The following EPRS1 variants were observed in gnomAD, a reference collection of about 807,000 sequenced individuals.
EPRS1 encodes the protein bifunctional glutamate/proline--tRNA ligase.
EPRS1 carries 107 observed loss-of-function variants against 188.3 expected under a neutral mutation model. The ratio of observed to expected loss-of-function variants is 0.57; its 90% CI spans 0.49 to 0.67. EPRS1 has a LOEUF of 0.67. Ranked by LOEUF, EPRS1 falls within the 30% of genes least tolerant of loss-of-function variation. The probability of loss-of-function intolerance (pLI) is 0.00; values close to 1 mark genes in which losing one functional copy is unlikely to be tolerated. For missense variants in EPRS1, 1,577 were observed against 1,802.2 expected (o/e 0.88, Z 2.26); for synonymous variants, 596 against 593.1 (o/e 1.00, Z -0.07).
At chr1:219,977,022 ACAAT>A (rs1359598089) in intron 28 of EPRS1, among the ~76,000 whole-genome samples, 2 of 152,184 alleles carry the variant, frequency 1.3e-5, no homozygotes, top group African/African-American at 4.8e-5. Context: ...TTCTGGCCTC[ACAAT>A]CAAACAATAT....
chr1:220,011,166 A>G, intron 12 of EPRS1, 110 bp from the exon 13 acceptor site: 1 of 614,660 alleles, frequency 1.6e-6, no homozygotes, highest in Non-Finnish European at 2.9e-6. Context: ...TACTGCATTT[A>G]CTAATTTTTT....
In EPRS1 at chr1:220,005,329, A is replaced by T; in HGVS notation, c.1982T>A (p.Leu661His). The change falls in exon 16 of 32, where the codon CTT (leucine) becomes CAT (histidine). Residue 661 changes from leucine to histidine, a missense_variant. By Grantham distance (99) the Leu-to-His change is moderately conservative. Transcript: ENST00000366923. ...HEELMLGDPC[L>H]KDLKKGDIIQ... ...AATATCTCCTTTTTTCAAATCCTTA[A>T]GGCAGGGATCCCCTAGCATTAGCTC... is the stretch of plus-strand genomic sequence containing the variant. 6.3e-7 allele frequency: 1 copy of T among 1,596,856 alleles called. No homozygotes were observed. The highest frequency in any genetic ancestry group is 8.5e-7 in the Non-Finnish European group (1 of 1,170,226).
chr1:220,031,604 T>C (rs1176996512), intron 5 of EPRS1, among the ~76,000 whole-genome samples: 1 of 152,120 alleles, frequency 6.6e-6, no homozygotes, highest in African/African-American at 2.4e-5. Context: ...GTTTTCAAAT[T>C]TTACATTAGA....
intron 1 of EPRS1, among the ~76,000 whole-genome samples, chr1:220,044,289 G>A (rs1390545832): frequency 6.6e-6 from 1 of 152,080 alleles, no homozygotes; most frequent in Non-Finnish European, 1.5e-5. Context: ...AAAGGGAGAG[G>A]AGCAATTAGA....
intron 18 of EPRS1, among the ~76,000 whole-genome samples, chr1:219,996,134 C>T (rs1661227839): frequency 6.6e-6 from 1 of 152,178 alleles, no homozygotes; most frequent in Non-Finnish European, 1.5e-5. Context: ...TATACAGATG[C>T]CATTCCCTTT....
chr1:219,970,420 A>AG (rs199506608), intron 30 of EPRS1, among the ~76,000 whole-genome samples: 62,555 of 113,094 alleles, frequency 0.55, 13,625 homozygotes, highest in East Asian at 0.67. Context: ...GAAAATCGTA[A>AG]ATAAAGTGAA....
At chr1:219,994,640 CTTTTTTTTTTTTTTTTT>C (rs71169424) in intron 18 of EPRS1, among the ~76,000 whole-genome samples, 1 of 109,500 alleles carries the variant, frequency 9.1e-6, no homozygotes, top group African/African-American at 3.6e-5. Flanking sequence ...GTAACTTCTT[CTTTTTTTTTTTTTTTTT>C]TTTTTTTTTT....
intron 23 of EPRS1, among the ~76,000 whole-genome samples, chr1:219,982,002 A>G (rs1660910158): frequency 6.6e-6 from 1 of 152,248 alleles, no homozygotes; most frequent in South Asian, 2.1e-4. Context: ...AAGTGAAGAT[A>G]CCTGTCTTAG....
At chr1:219,996,955 T>A in intron 18 of EPRS1, 28 bp downstream of exon 18, 1 of 1,534,916 alleles carries the variant, frequency 6.5e-7, no homozygotes, top group Non-Finnish European at 8.7e-7. Context: ...ACTGAAAATG[T>A]GGTCTTGACT....
chr1:220,017,795 T>TA lies in EPRS1; in HGVS notation c.1494+653dup, dbSNP rs879843325. On this transcript the variant is annotated intron_variant, in intron 12 of 31. Transcript: ENST00000366923. The stretch of plus-strand genomic sequence containing the variant: ...ATTTGACTTTCAGTTAAGAAACAGT[T>TA]AAAAAAAAAAAAGCTGGATTCAGTA... Among the ~76,000 whole-genome samples the TA allele has an allele frequency of 7.1e-4, 101 of 142,202 alleles. 1 individual carries two copies. Among genetic ancestry groups the TA allele is most frequent in the South Asian group, 2.0e-3 (9 of 4,468 alleles). 93.3% of individuals were successfully genotyped at this position (142,202 alleles called of 152,430 possible). A position where few individuals can be genotyped will look rare whatever the true frequency, so the allele number is the denominator to read the frequency against.
intron 6 of EPRS1, among the ~76,000 whole-genome samples, chr1:220,029,483 A>T (rs1662047367): frequency 6.6e-6 from 1 of 152,244 alleles, no homozygotes; most frequent in Non-Finnish European, 1.5e-5. Flanking sequence ...CATCGCTAAA[A>T]GAAAATTGTT....
chr1:219,975,645 C>T (rs1163645204), intron 28 of EPRS1, among the ~76,000 whole-genome samples: 1 of 152,146 alleles, frequency 6.6e-6, no homozygotes, highest in Non-Finnish European at 1.5e-5. Context: ...CCATGTTGGA[C>T]AGGCTGGTGG....
intron 17 of EPRS1, 85 bp downstream of exon 17, chr1:220,001,053 G>A: frequency 1.2e-6 from 1 of 808,762 alleles, no homozygotes; most frequent in Non-Finnish European, 2.2e-6. Context: ...CAGTAAGAAA[G>A]ATAATCATCT....
chr1:219,988,397 T>C (rs1014734736), intron 19 of EPRS1, among the ~76,000 whole-genome samples, 193 bp downstream of exon 19: 2 of 152,078 alleles, frequency 1.3e-5, no homozygotes, highest in Non-Finnish European at 2.9e-5. Context: ...CGGTGTCATA[T>C]GAAAACATCC....
intron 20 of EPRS1, among the ~76,000 whole-genome samples, 158 bp downstream of exon 20, chr1:219,986,978 TTAAAAC>T (rs996111398): frequency 8.0e-5 from 12 of 150,684 alleles, no homozygotes; most frequent in Non-Finnish European, 7.3e-5. Context: ...TTACCTATTT[TTAAAAC>T]TAAATGGAAA....
chr1:219,969,210 G>A, intron 30 of EPRS1, 88 bp from the exon 31 acceptor site: 3 of 966,358 alleles, frequency 3.1e-6, no homozygotes, highest in African/African-American at 1.7e-5. Context: ...TATTAAACTG[G>A]CAAGCAAAAA....
At chr1:219,999,724 A>G (rs1263171809) in intron 17 of EPRS1, among the ~76,000 whole-genome samples, 1 of 152,184 alleles carries the variant, frequency 6.6e-6, no homozygotes, top group Non-Finnish European at 1.5e-5. Flanking sequence ...CTATAATCCC[A>G]GTACTTTGGG....
chr1:220,033,046 A>C (rs1193127511), intron 4 of EPRS1, among the ~76,000 whole-genome samples: 1 of 152,206 alleles, frequency 6.6e-6, no homozygotes, highest in Non-Finnish European at 1.5e-5. Context: ...GTTCCAAACT[A>C]GTTGTAGAAG....
At chr1:220,022,117 G>A (rs996037142) in intron 9 of EPRS1, among the ~76,000 whole-genome samples, 15 of 152,150 alleles carry the variant, frequency 9.9e-5, no homozygotes, top group African/African-American at 3.6e-4. Flanking sequence ...GCAGACTCAG[G>A]ACTTTCATAG....
Sources: gnomAD v4.1 joint callset for allele counts (sites outside exome capture counted in the v4.1 genomes callset) on GRCh38, gnomAD v4.1.1 for gene constraint, MANE v1.5 for transcripts, NCBI Gene and HGNC (gene_info 2026-07-23, HGNC 2026-07-21) for gene names.